The following ZNF837 variants were observed in gnomAD, a reference collection of about 807,000 sequenced individuals.
ZNF837 encodes the protein zinc finger protein 837.
For missense variants in ZNF837, 955 were observed against 801.7 expected (o/e 1.19, Z -2.31); for synonymous variants, 475 against 365.2 (o/e 1.30, Z -3.43).
chr19:58,369,308 C>T lies in ZNF837; in HGVS notation c.25G>A (p.Gly9Arg), dbSNP rs928592589. The T allele has an allele frequency of 2.9e-6, 4 of 1,378,950 alleles. No homozygotes were observed. Among genetic ancestry groups the T allele is most frequent in the African/African-American group, 1.5e-5 (1 of 65,218 alleles). 85.4% of individuals were successfully genotyped at this position (1,378,950 alleles called of 1,614,324 possible). A position where few individuals can be genotyped will look rare whatever the true frequency, so the allele number is the denominator to read the frequency against. Residue 9 changes from glycine (G) to arginine (R), a missense_variant, in exon 3 of 3, where the codon GGG becomes AGG. Physicochemically the swap from Gly to Arg is moderately radical, Grantham distance 125. Coordinates refer to ENST00000597582, the MANE Select transcript of ZNF837 (RefSeq NM_138466.2). The stretch of plus-strand genomic sequence containing the variant: ...TCGGCCTTGGGGAGTCCTCCCTGCC[C>T]AGCCTTCTGGGCTGGAGCCTCCATC... MEAPAQKA[G>R]QGGLPKADAQ...
Position 58,367,929 on chromosome 19 carries a change from C to G in ZNF837, c.1404G>C (p.Leu468=). ...GCSELRQHER[L]HSGEKPYICR... ...AGATGTAGGGCTTCTCGCCCGAGTG[C>G]AGGCGCTCGTGCTGGCGCAGCTCGG... The change falls in exon 3 of 3, where the codon CTG becomes CTC. Residue 468 remains leucine, a synonymous_variant. Transcript: ENST00000597582. The G allele has an allele frequency of 1.3e-6, 2 of 1,534,150 alleles. No individual in the cohort carries two copies. The highest frequency in any genetic ancestry group is 1.7e-6 in the Non-Finnish European group (2 of 1,144,100).
At chr19:58,379,802 A>G (rs1449267929) in intron 1 of ZNF837, among the ~76,000 whole-genome samples, 1 of 152,224 alleles carries the variant, frequency 6.6e-6, no homozygotes, top group Non-Finnish European at 1.5e-5. Context: ...GAGGTTGCAC[A>G]CGGCACAATG....
intron 1 of ZNF837, among the ~76,000 whole-genome samples, chr19:58,377,324 G>A (rs1438643812): frequency 6.6e-6 from 1 of 151,926 alleles, no homozygotes. Flanking sequence ...GGCTAACATG[G>A]TGAAATCCCG....
Position 58,367,878 on chromosome 19 carries a change from C to T in ZNF837, c.1455G>A (p.Val485=). The T allele has an allele frequency of 2.0e-6, 3 of 1,535,668 alleles. No individual in the cohort carries two copies. The highest frequency in any genetic ancestry group is 2.6e-6 in the Non-Finnish European group (3 of 1,144,320). Residue 485 remains valine, a synonymous_variant, in exon 3 of 3, where the codon GTG becomes GTA. Transcript: ENST00000597582. ...GGTGGCGCACCAGGCTGCAGTTGCG[C>T]ACGAAGGCCTTGCCGCAGTCGCGGC... is the stretch of plus-strand genomic sequence containing the variant. ...YICRDCGKAF[V]RNCSLVRHLR...
chr19:58,380,507 C>T (rs1460742476), intron 1 of ZNF837, among the ~76,000 whole-genome samples: 26 of 152,242 alleles, frequency 1.7e-4, no homozygotes, highest in Admixed American at 1.7e-3. Context: ...ATTCTTCGGG[C>T]CTCTGTGAAG....
At chr19:58,371,975 C>A (rs1040962442) in intron 1 of ZNF837, among the ~76,000 whole-genome samples, 13 of 152,120 alleles carry the variant, frequency 8.5e-5, no homozygotes, top group African/African-American at 3.1e-4. Flanking sequence ...CCCACCTCGG[C>A]CTCCCAAAGC....
chr19:58,372,348 C>T (rs1028583493), intron 1 of ZNF837, among the ~76,000 whole-genome samples: 6 of 152,130 alleles, frequency 3.9e-5, no homozygotes, highest in Non-Finnish European at 8.8e-5. Flanking sequence ...CGTGAGTCAC[C>T]GCACCCAGCC....
At position 58,368,656 on chromosome 19, in the gene ZNF837, G is replaced by T; in HGVS notation, c.677C>A (p.Pro226Gln). The change falls in exon 3 of 3, where the codon CCG (proline) becomes CAG (glutamine). Residue 226 changes from proline to glutamine, a missense_variant. Transcript: ENST00000597582. ...ERLQATEEPR[P>Q]CARCGKRFRP... is the part of the protein sequence containing the mutation. ...GAAGCGCTTCCCGCACCGGGCACAC[G>T]GACGGGGCTCCTCCGTCGCCTGCAG... 6.5e-7 allele frequency: 1 copy of T among 1,529,442 alleles called. No individual in the cohort carries two copies. Among genetic ancestry groups the T allele is most frequent in the Non-Finnish European group, 8.8e-7 (1 of 1,142,600 alleles). 94.7% of individuals were successfully genotyped at this position (1,529,442 alleles called of 1,614,324 possible). A position where few individuals can be genotyped will look rare whatever the true frequency, so the allele number is the denominator to read the frequency against.
intron 1 of ZNF837, among the ~76,000 whole-genome samples, chr19:58,375,649 T>C (rs2052239066): frequency 6.6e-6 from 1 of 151,670 alleles, no homozygotes; most frequent in Non-Finnish European, 1.5e-5. Flanking sequence ...GATTTCACCA[T>C]GTTGGTCAGG....
chr19:58,377,944 G>T (rs537704015), intron 1 of ZNF837, among the ~76,000 whole-genome samples: 4 of 152,300 alleles, frequency 2.6e-5, no homozygotes, highest in African/African-American at 7.2e-5. Flanking sequence ...TCTGCTGGCC[G>T]TGGACCTGGC....
At chr19:58,377,810 GAC>G (rs1251129331) in intron 1 of ZNF837, among the ~76,000 whole-genome samples, 1 of 152,182 alleles carries the variant, frequency 6.6e-6, no homozygotes, top group Non-Finnish European at 1.5e-5. Context: ...AAGACATGGA[GAC>G]ACACATTCTG....
At chr19:58,376,984 A>C (rs141255489) in intron 1 of ZNF837, among the ~76,000 whole-genome samples, 1,567 of 151,888 alleles carry the variant, frequency 0.01, 27 homozygotes, top group African/African-American at 0.034. Flanking sequence ...TTGGGAGGCC[A>C]AGGTGGGTGG....
intron 1 of ZNF837, among the ~76,000 whole-genome samples, chr19:58,376,965 C>G (rs1006616492): frequency 1.3e-5 from 2 of 151,668 alleles, no homozygotes; most frequent in African/African-American, 4.8e-5. Flanking sequence ...TGCCTGTAAT[C>G]CCAACACTTT....
chr19:58,368,267 AC>A lies in ZNF837; in HGVS notation c.1065del (p.Ser356ArgfsTer51). 1 of 1,482,470 alleles carries A rather than the reference AC, an allele frequency of 6.7e-7. No homozygotes were observed. Among genetic ancestry groups the A allele is most frequent in the South Asian group, 1.3e-5 (1 of 75,342 alleles). 91.8% of individuals were successfully genotyped at this position (1,482,470 alleles called of 1,614,324 possible). A position where few individuals can be genotyped will look rare whatever the true frequency, so the allele number is the denominator to read the frequency against. On this transcript the variant is annotated frameshift_variant, in exon 3 of 3. Transcript: ENST00000597582. LOFTEE classifies it low-confidence loss of function (END_TRUNC). ...TCGTACGGCTTCTCCCCGGCTCCCGACCCCCGTCGGGGACTCCGCTCGCTGT... is the reference window on the plus strand; with the variant it reads ...TCGTACGGCTTCTCCCCGGCTCCCGACCCCGTCGGGGACTCCGCTCGCTGT... Reference protein sequence around the residue: ...GDYSERSPRRGSGAGEKPYEC... With the variant: ...GDYSERSPRRXSGAGEKPYEC...
chr19:58,369,265 C>T lies in ZNF837; in HGVS notation c.68G>A (p.Gly23Glu), dbSNP rs1353609929. The T allele has an allele frequency of 2.8e-6, 4 of 1,409,414 alleles. No individual in the cohort carries two copies. Among genetic ancestry groups the T allele is most frequent in the Non-Finnish European group, 3.7e-6 (4 of 1,086,966 alleles). The allele number at this position is 1,409,414 out of a possible 1,614,324, so 87.3% of individuals were successfully genotyped here. A position where few individuals can be genotyped will look rare whatever the true frequency, so the allele number is the denominator to read the frequency against. The change falls in exon 3 of 3, where the codon GGG becomes GAG. Residue 23 changes from glycine to glutamate, a missense_variant. By Grantham distance (98) the Gly-to-Glu change is moderately conservative (BLOSUM62 -2). Transcript: ENST00000597582. Reference sequence around the variant, plus strand: ...CTCCTCGGGCCTCTTCTCCCGGGCCCCGGAGGCACCCTGGGCATCGGCCTT... The same window carrying T: ...CTCCTCGGGCCTCTTCTCCCGGGCCTCGGAGGCACCCTGGGCATCGGCCTT... ...LPKADAQGAS[G>E]AREKRPEEPR...
chr19:58,370,917 AAAGAG>A (rs1361074863), intron 1 of ZNF837, among the ~76,000 whole-genome samples: 1 of 132,306 alleles, frequency 7.6e-6, no homozygotes. Context: ...GAAAAAAAGA[AAAGAG>A]AGAGAGAGGG....
chr19:58,370,645 C>T (rs1185384805), intron 1 of ZNF837, among the ~76,000 whole-genome samples: 1 of 152,072 alleles, frequency 6.6e-6, no homozygotes, highest in African/African-American at 2.4e-5. Flanking sequence ...CCTGTAATCC[C>T]AGCACTTTGG....
At position 58,368,319 on chromosome 19, in the gene ZNF837, C is replaced by G; in HGVS notation, c.1014G>C (p.Arg338=). 1 of 1,491,488 alleles carries G rather than the reference C, an allele frequency of 6.7e-7. No homozygotes were observed. Among genetic ancestry groups the G allele is most frequent in the Non-Finnish European group, 8.8e-7 (1 of 1,129,996 alleles). 92.4% of individuals were successfully genotyped at this position (1,491,488 alleles called of 1,614,324 possible). A position where few individuals can be genotyped will look rare whatever the true frequency, so the allele number is the denominator to read the frequency against. The change falls in exon 3 of 3, where the codon CGG becomes CGC. Residue 338 remains arginine, a synonymous_variant. Coordinates refer to ENST00000597582, the MANE Select transcript of ZNF837 (RefSeq NM_138466.2). ...AGTCCCCGCAGGGCGGGCACCCCAG[C>G]CGGAAGGCGCGCCGCGCCAGGACGG... ...RGPVLARRAF[R]LGCPPCGDYS...
intron 1 of ZNF837, among the ~76,000 whole-genome samples, chr19:58,374,152 T>C (rs2052223035): frequency 6.6e-6 from 1 of 152,208 alleles, no homozygotes; most frequent in South Asian, 2.1e-4. Context: ...AAGGTAAAGA[T>C]GGAGCTACCA....
Sources: gnomAD v4.1 joint callset for allele counts (sites outside exome capture counted in the v4.1 genomes callset) on GRCh38, gnomAD v4.1.1 for gene constraint, MANE v1.5 for transcripts, NCBI Gene and HGNC (gene_info 2026-07-23, HGNC 2026-07-21) for gene names.